Variants in C1GALT1 observed in about 807,000 individuals in gnomAD.
C1GALT1 encodes the protein glycoprotein-N-acetylgalactosamine 3-beta-galactosyltransferase 1.
C1GALT1 carries 11 observed loss-of-function variants against 31.0 expected under a neutral mutation model. The ratio of observed to expected loss-of-function variants is 0.36; its 90% CI spans 0.22 to 0.59. The LOEUF (loss-of-function observed/expected upper bound fraction) is 0.59, where lower values mean the gene tolerates loss of function less well. C1GALT1 is among the 20% of genes least tolerant of loss of function. The pLI is 0.79. For synonymous variants in C1GALT1, 175 were observed against 143.6 expected (o/e 1.22, Z -1.56); for missense variants, 424 against 425.2 (o/e 1.00, Z 0.03).
At chr7:7,165,915 A>G (rs537202596) in intron 2 of C1GALT1, among the ~76,000 whole-genome samples, 2 of 152,328 alleles carry the variant, frequency 1.3e-5, no homozygotes, top group East Asian at 3.9e-4. Context: ...GGTTATGTGT[A>G]TAAGGTGCAT....
chr7:7,168,594 C>G (rs1024515717), intron 2 of C1GALT1, among the ~76,000 whole-genome samples: 17 of 152,240 alleles, frequency 1.1e-4, no homozygotes, highest in African/African-American at 3.9e-4. Flanking sequence ...TAACAGTTAC[C>G]ATTTTCGTGG....
intron 1 of C1GALT1, among the ~76,000 whole-genome samples, chr7:7,229,627 C>G (rs1473018059): frequency 6.6e-6 from 1 of 152,088 alleles, no homozygotes; most frequent in Non-Finnish European, 1.5e-5. Context: ...AGAGCAAGGT[C>G]TAATGAACTG....
chr7:7,185,963 A>C (rs936227443), intron 1 of C1GALT1, among the ~76,000 whole-genome samples: 2 of 152,214 alleles, frequency 1.3e-5, no homozygotes, highest in Non-Finnish European at 2.9e-5. Flanking sequence ...CTCTAGCAGA[A>C]TATCTGAAAC....
chr7:7,230,641 A>C (rs1001672124), intron 1 of C1GALT1, among the ~76,000 whole-genome samples: 2 of 127,998 alleles, frequency 1.6e-5, no homozygotes, highest in African/African-American at 6.0e-5. Flanking sequence ...TTTTTTTTTA[A>C]CATTGCCTTG....
intron 1 of C1GALT1, among the ~76,000 whole-genome samples, chr7:7,219,739 G>A (rs6463661): frequency 0.45 from 68,859 of 151,892 alleles, 16,697 homozygotes; most frequent in African/African-American, 0.63. Context: ...AGCATTTTAA[G>A]TATTTTGGTT....
At chr7:7,201,246 C>T (rs1434305080) in intron 1 of C1GALT1, among the ~76,000 whole-genome samples, 1 of 152,206 alleles carries the variant, frequency 6.6e-6, no homozygotes, top group Non-Finnish European at 1.5e-5. Flanking sequence ...AGCCGCAGGT[C>T]TGTTGGAGTT....
chr7:7,183,078 C>T (rs1472054021), intron 1 of C1GALT1, among the ~76,000 whole-genome samples: 1 of 152,144 alleles, frequency 6.6e-6, no homozygotes, highest in Non-Finnish European at 1.5e-5. Context: ...TGGACATGTA[C>T]CCTCCTCTTC....
intron 1 of C1GALT1, among the ~76,000 whole-genome samples, chr7:7,230,608 C>A (rs1006302551): frequency 7.7e-6 from 1 of 130,108 alleles, no homozygotes; most frequent in Non-Finnish European, 1.6e-5. Flanking sequence ...TTTGTCTCAT[C>A]TATTCTATAT....
chr7:7,160,293 A>G (rs1583725511), intron 2 of C1GALT1, among the ~76,000 whole-genome samples: 1 of 152,088 alleles, frequency 6.6e-6, no homozygotes, highest in Admixed American at 6.6e-5. Context: ...CTTCAACTGT[A>G]TAGAGTGTTA....
chr7:7,198,021 C>T (rs1362060627), intron 1 of C1GALT1, among the ~76,000 whole-genome samples: 1 of 152,138 alleles, frequency 6.6e-6, no homozygotes, highest in Admixed American at 6.6e-5. Context: ...ATTGAATACT[C>T]TTTGTTTCTT....
At chr7:7,194,282 T>C (rs10279376) in intron 1 of C1GALT1, among the ~76,000 whole-genome samples, 106,092 of 151,962 alleles carry the variant, frequency 0.7, 37,817 homozygotes, top group East Asian at 0.95. Context: ...TCAACCTTTC[T>C]CCATTCAGTA....
At chr7:7,202,542 A>G (rs1243038134) in intron 1 of C1GALT1, among the ~76,000 whole-genome samples, 1 of 151,566 alleles carries the variant, frequency 6.6e-6, no homozygotes, top group Non-Finnish European at 1.5e-5. Context: ...ATAAAGTGAG[A>G]TGCTTTTTTT....
At position 7,238,868 on chromosome 7, in the gene C1GALT1, T is replaced by C. The variant is rs879475608; in HGVS notation, c.834T>C (p.Gly278=). ...PFVPEHHLIK[G]YLPRTFWYWN... ...TGCCAGAACACCATTTAATTAAAGG[T>C]TATCTACCTAGAACGTTTTGGTACT... The change falls in exon 3 of 4, where the codon GGT becomes GGC. Residue 278 remains glycine (G), a synonymous_variant. Coordinates refer to ENST00000436587, the MANE Select transcript of C1GALT1 (RefSeq NM_020156.5). The surrounding 1 kb of genome is among the most constrained non-coding windows in gnomAD (Gnocchi z 5.2). The C allele has an allele frequency of 1.9e-5, 30 of 1,613,804 alleles. No individual in the cohort carries two copies. The highest frequency in any genetic ancestry group is 2.5e-5 in the Non-Finnish European group (30 of 1,179,882).
chr7:7,239,567 T>C (rs1783529136), intron 3 of C1GALT1, among the ~76,000 whole-genome samples: 1 of 152,194 alleles, frequency 6.6e-6, no homozygotes, highest in African/African-American at 2.4e-5. Flanking sequence ...ATTTGTAAGA[T>C]GGACATAATG....
intron 2 of C1GALT1, among the ~76,000 whole-genome samples, chr7:7,172,581 G>C (rs1432298750): frequency 6.6e-6 from 1 of 152,022 alleles, no homozygotes; most frequent in Non-Finnish European, 1.5e-5. Context: ...AAACACATAT[G>C]CTGGTCCTCT....
At chr7:7,185,540 G>T (rs1223155564) in intron 1 of C1GALT1, among the ~76,000 whole-genome samples, 1 of 152,212 alleles carries the variant, frequency 6.6e-6, no homozygotes, top group African/African-American at 2.4e-5. Context: ...AGCTTGTTGT[G>T]TTACTGCCAA....
At chr7:7,160,214 C>G (rs188964574) in intron 2 of C1GALT1, among the ~76,000 whole-genome samples, 17 of 152,214 alleles carry the variant, frequency 1.1e-4, no homozygotes, top group Non-Finnish European at 5.9e-5. Context: ...TGTTTCTTCT[C>G]AACTCTGGAA....
At chr7:7,198,244 G>C (rs541751866) in intron 1 of C1GALT1, among the ~76,000 whole-genome samples, 2 of 152,226 alleles carry the variant, frequency 1.3e-5, no homozygotes, top group South Asian at 4.1e-4. Flanking sequence ...TAGCATGAAG[G>C]GCTGTTGAAT....
rs571282570 is a variant in C1GALT1 at position 7,212,856 on chromosome 7, A to G, written c.-17-21447A>G. Among the ~76,000 whole-genome samples, 144 of 152,308 alleles carry G rather than the reference A, an allele frequency of 9.5e-4. 3 individuals carry two copies. In the South Asian group the frequency reaches 0.029, roughly 31 times the overall value. On this transcript the variant is annotated intron_variant, in intron 1 of 3. Transcript: ENST00000436587. The stretch of plus-strand genomic sequence containing the variant: ...AAGGACAGGGAATATCACAAAGTAC[A>G]TTATCACAAAGGCAGGGGAATGTCA...
Sources: gnomAD v4.1 joint callset for allele counts (sites outside exome capture counted in the v4.1 genomes callset) on GRCh38, gnomAD v4.1.1 for gene constraint, Gnocchi (gnomAD v3.1) non-coding constraint, MANE v1.5 for transcripts, NCBI Gene and HGNC (gene_info 2026-07-23, HGNC 2026-07-21) for gene names.